The following COL25A1 variants were observed in gnomAD, a reference collection of about 807,000 sequenced individuals.
COL25A1 encodes collagen type XXV alpha 1 chain.
A neutral mutation model predicts 128.4 loss-of-function variants in COL25A1; 103 were observed. The ratio of observed to expected loss-of-function variants is 0.80; its 90% CI spans 0.68 to 0.94. COL25A1 has a LOEUF of 0.94. Ranked by LOEUF, COL25A1 falls within the 40% of genes least tolerant of loss-of-function variation. The probability of loss-of-function intolerance (pLI) is 0.00; values close to 1 mark genes in which losing one functional copy is unlikely to be tolerated. For synonymous variants in COL25A1, 279 were observed against 277.2 expected (o/e 1.01, Z -0.06); for missense variants, 745 against 840.0 (o/e 0.89, Z 1.40).
chr4:108,918,053 T>A, intron 13 of COL25A1, 119 bp downstream of exon 13: 2 of 487,986 alleles, frequency 4.1e-6, no homozygotes, highest in Non-Finnish European at 7.0e-6. Context: ...TTCCTGTATT[T>A]CAAAACATAG....
At chr4:109,041,212 T>C (rs1759859826) in intron 5 of COL25A1, among the ~76,000 whole-genome samples, 1 of 151,978 alleles carries the variant, frequency 6.6e-6, no homozygotes. Flanking sequence ...GCCGTAACAA[T>C]GAATAGAGGT....
At chr4:108,904,439 G>T (rs987107483) in intron 13 of COL25A1, among the ~76,000 whole-genome samples, 2 of 152,018 alleles carry the variant, frequency 1.3e-5, no homozygotes, top group African/African-American at 4.8e-5. Context: ...ACAACAAGAA[G>T]TCTTGCTGAG....
At chr4:109,102,372 T>C (rs1765975222) in intron 3 of COL25A1, among the ~76,000 whole-genome samples, 1 of 152,138 alleles carries the variant, frequency 6.6e-6, no homozygotes, top group Non-Finnish European at 1.5e-5. Flanking sequence ...ATATTTCCTG[T>C]ATGGTATCAA....
intron 5 of COL25A1, among the ~76,000 whole-genome samples, chr4:109,015,830 A>T (rs556359039): frequency 6.6e-6 from 1 of 152,400 alleles, no homozygotes; most frequent in Non-Finnish European, 1.5e-5. Context: ...AGGAGTATAC[A>T]TTACTTTAGG....
At chr4:108,918,865 G>A (rs1413951813) in intron 12 of COL25A1, among the ~76,000 whole-genome samples, 2 of 152,238 alleles carry the variant, frequency 1.3e-5, no homozygotes, top group Non-Finnish European at 2.9e-5. Context: ...GTGTGCACAT[G>A]CATAGTGGCA....
At chr4:108,869,705 GTT>G (rs898680072) in intron 19 of COL25A1, among the ~76,000 whole-genome samples, 1 of 152,056 alleles carries the variant, frequency 6.6e-6, no homozygotes, top group African/African-American at 2.4e-5. Flanking sequence ...TATCCATAAA[GTT>G]TTATTTTCTT....
At chr4:108,846,104 T>C in intron 28 of COL25A1, 35 bp downstream of exon 28, 2 of 1,338,804 alleles carry the variant, frequency 1.5e-6, no homozygotes, top group Non-Finnish European at 2.1e-6. Flanking sequence ...GAACATAATA[T>C]AAAAAGTATA....
Position 109,081,675 on chromosome 4 carries a change from A to G in COL25A1, c.368-31496T>C, listed in dbSNP as rs934125776. Among the ~76,000 whole-genome samples the G allele has an allele frequency of 1.4e-4, 21 of 152,016 alleles. 1 individual carries two copies. The highest frequency in any genetic ancestry group is 4.1e-4 in the African/African-American group (17 of 41,418). On this transcript the variant is annotated intron_variant, in intron 3 of 37. Coordinates refer to ENST00000399132, the MANE Select transcript of COL25A1 (RefSeq NM_198721.4). ...ACCCATCTCCACCCCCAACCCAGCCATGGGCAATCACTAATCTATTTTGTT... is the reference window on the plus strand; with the variant it reads ...ACCCATCTCCACCCCCAACCCAGCCGTGGGCAATCACTAATCTATTTTGTT...
chr4:109,115,728 A>G (rs930068323), intron 3 of COL25A1, among the ~76,000 whole-genome samples: 4 of 152,036 alleles, frequency 2.6e-5, no homozygotes, highest in Admixed American at 2.0e-4. Context: ...GCCAGTGTAC[A>G]GACAGATGCA....
At chr4:109,059,877 A>T (rs575649349) in intron 3 of COL25A1, among the ~76,000 whole-genome samples, 1 of 152,110 alleles carries the variant, frequency 6.6e-6, no homozygotes. Flanking sequence ...CTTTTTTTTT[A>T]AAGGCTGAAA....
intron 11 of COL25A1, among the ~76,000 whole-genome samples, chr4:108,936,800 A>AATATATATATATATATAT (rs138668509): frequency 4.0e-4 from 54 of 134,728 alleles, no homozygotes; most frequent in Admixed American, 2.4e-3. Flanking sequence ...CTGTTTCTTA[A>AATATATATATATATATAT]ATATATATAT....
intron 3 of COL25A1, among the ~76,000 whole-genome samples, chr4:109,130,462 T>C (rs1448651691): frequency 6.6e-6 from 1 of 152,030 alleles, no homozygotes; most frequent in Non-Finnish European, 1.5e-5. Context: ...GCTAGAAAGA[T>C]AGGAATATAG....
At chr4:109,260,845 A>G (rs995186104) in intron 3 of COL25A1, among the ~76,000 whole-genome samples, 2 of 151,088 alleles carry the variant, frequency 1.3e-5, no homozygotes, top group South Asian at 4.2e-4. Context: ...TTTCACAATC[A>G]GGAGGAAAAA....
chr4:108,825,200 A>T lies in COL25A1; in HGVS notation c.1787T>A (p.Leu596His), dbSNP rs968752386. The change falls in exon 34 of 38, where the codon CTT becomes CAT. Residue 596 changes from leucine to histidine, a missense_variant. This residue lies in a region of COL25A1 where 387 missense variants were observed against 441.9 expected (regional missense o/e 0.88). Coordinates refer to ENST00000399132, the MANE Select transcript of COL25A1 (RefSeq NM_198721.4). ...GLPGKDGEPGLDGFPGPRGEK... is the reference protein window; with the variant it reads ...GLPGKDGEPGHDGFPGPRGEK... ...TTTATTGTACTTATTACTTACATCA[A>T]GACCAGGCTCTCCATCTTTCCCCTG... is the stretch of plus-strand genomic sequence containing the variant. 6.2e-7 allele frequency: 1 copy of T among 1,610,714 alleles called. No individual in the cohort carries two copies.
At chr4:109,092,303 C>T (rs1248988305) in intron 3 of COL25A1, among the ~76,000 whole-genome samples, 1 of 152,178 alleles carries the variant, frequency 6.6e-6, no homozygotes, top group Non-Finnish European at 1.5e-5. Flanking sequence ...TAGCAATACT[C>T]TGTCTCTACA....
chr4:108,823,720 C>T (rs1258748247), intron 35 of COL25A1, among the ~76,000 whole-genome samples: 2 of 152,166 alleles, frequency 1.3e-5, no homozygotes, highest in Non-Finnish European at 2.9e-5. Flanking sequence ...TGCTTCTCCT[C>T]CATTTTCATA....
At chr4:109,054,394 G>A (rs896932001) in intron 3 of COL25A1, among the ~76,000 whole-genome samples, 2 of 152,164 alleles carry the variant, frequency 1.3e-5, no homozygotes. Flanking sequence ...TATGATTATT[G>A]TGAGGATGAA....
intron 3 of COL25A1, among the ~76,000 whole-genome samples, chr4:109,190,294 C>T (rs907552033): frequency 2.0e-5 from 3 of 152,002 alleles, no homozygotes; most frequent in African/African-American, 7.2e-5. Context: ...GAGATGGGCT[C>T]ATCACATTTT....
rs139132830 is a variant in COL25A1, at chr4:108,978,200, T to C, written c.439-3641A>G. 3.3e-3 allele frequency among the ~76,000 whole-genome samples: 497 copies of C among 152,342 alleles called. 1 individual carries two copies. The highest frequency in any genetic ancestry group is 0.011 in the African/African-American group (472 of 41,576). On this transcript the variant is annotated intron_variant, in intron 6 of 37. Coordinates refer to ENST00000399132, the MANE Select transcript of COL25A1 (RefSeq NM_198721.4). Reference sequence around the variant, plus strand: ...GTGTTTCTGAGCAGACAGTATGGCGTCCTGGCACCTGCCAGCTTAGGACAG... The same window carrying C: ...GTGTTTCTGAGCAGACAGTATGGCGCCCTGGCACCTGCCAGCTTAGGACAG...
Sources: gnomAD v4.1 joint callset for allele counts (sites outside exome capture counted in the v4.1 genomes callset) on GRCh38, gnomAD v4.1.1 for gene constraint, gnomAD v4.1.1 regional missense constraint, MANE v1.5 for transcripts, NCBI Gene and HGNC (gene_info 2026-07-23, HGNC 2026-07-21) for gene names.